Variants in SSBP3 observed in about 807,000 individuals in gnomAD.
SSBP3 encodes single stranded DNA binding protein 3.
Under a neutral mutation model 69.6 loss-of-function variants are expected in SSBP3, and 5 were observed. The ratio of observed to expected loss-of-function variants is 0.07; its 90% CI spans 0.04 to 0.15. SSBP3 has a LOEUF of 0.15. Ranked by LOEUF, SSBP3 falls within the 10% of genes least tolerant of loss-of-function variation. SSBP3 has a pLI of 1.00. For missense variants in SSBP3, 312 were observed against 534.0 expected, an observed-to-expected ratio of 0.58 and a Z score of 4.10; for synonymous variants, 196 against 193.4, an observed-to-expected ratio of 1.01 and a Z score of -0.11.
At chr1:54,266,376 A>G (rs1333782008) in intron 5 of SSBP3, among the ~76,000 whole-genome samples, 2 of 152,232 alleles carry the variant, frequency 1.3e-5, no homozygotes, top group African/African-American at 2.4e-5. Flanking sequence ...TTAGAACACA[A>G]TGTAAATAAA....
At chr1:54,230,626 G>A (rs149333623) in intron 14 of SSBP3, among the ~76,000 whole-genome samples, 41 of 152,188 alleles carry the variant, frequency 2.7e-4, no homozygotes, top group Admixed American at 1.5e-3. Flanking sequence ...AATTTTGAAC[G>A]TTTCCATAAC....
chr1:54,281,827 T>C (rs1420421869), intron 4 of SSBP3, among the ~76,000 whole-genome samples: 2 of 152,104 alleles, frequency 1.3e-5, no homozygotes, highest in Non-Finnish European at 2.9e-5. Context: ...CCGGATGTGG[T>C]GGCTCACAAC....
At chr1:54,369,065 C>T (rs7532265) in intron 4 of SSBP3, among the ~76,000 whole-genome samples, 104,648 of 152,126 alleles carry the variant, frequency 0.69, 36,111 homozygotes, top group South Asian at 0.8. Flanking sequence ...TGCACTTCCA[C>T]GTAAGACTTC....
intron 12 of SSBP3, 44 bp from the exon 13 acceptor site, chr1:54,241,003 C>G (rs758032713): frequency 6.3e-7 from 1 of 1,577,526 alleles, no homozygotes; most frequent in Non-Finnish European, 8.6e-7. Flanking sequence ...ACGGTGGTAA[C>G]GAACATGGGG....
intron 4 of SSBP3, among the ~76,000 whole-genome samples, chr1:54,328,939 C>A (rs1300730279): frequency 6.6e-6 from 1 of 152,190 alleles, no homozygotes; most frequent in African/African-American, 2.4e-5. Context: ...CAGGGGCTGG[C>A]GTGTGCATTC....
At chr1:54,291,488 C>CCA (rs10623192) in intron 4 of SSBP3, among the ~76,000 whole-genome samples, 81,550 of 151,940 alleles carry the variant, frequency 0.54, 22,638 homozygotes, top group East Asian at 0.78. Flanking sequence ...CGCACAGTTG[C>CCA]CACACGGGTT....
At chr1:54,292,416 G>A (rs1645623777) in intron 4 of SSBP3, among the ~76,000 whole-genome samples, 1 of 152,280 alleles carries the variant, frequency 6.6e-6, no homozygotes, top group South Asian at 2.1e-4. Flanking sequence ...AAATGACAGG[G>A]TGGGTGAGCC....
intron 9 of SSBP3, among the ~76,000 whole-genome samples, chr1:54,247,987 G>A (rs965770224): frequency 4.6e-5 from 7 of 152,182 alleles, no homozygotes; most frequent in African/African-American, 1.7e-4. Flanking sequence ...CAAAGGACAG[G>A]GTGATACCTG....
intron 4 of SSBP3, among the ~76,000 whole-genome samples, chr1:54,367,955 A>T (rs1647054979): frequency 6.6e-6 from 1 of 152,202 alleles, no homozygotes; most frequent in Non-Finnish European, 1.5e-5. Flanking sequence ...AATAGTAAGG[A>T]ACTGGTGAAT....
At chr1:54,295,233 C>A (rs1204682851) in intron 4 of SSBP3, among the ~76,000 whole-genome samples, 1 of 152,212 alleles carries the variant, frequency 6.6e-6, no homozygotes, top group African/African-American at 2.4e-5. Flanking sequence ...CTGCCCCACC[C>A]CTGTGCTGAT....
At chr1:54,249,466 C>T (rs979793130) in intron 9 of SSBP3, among the ~76,000 whole-genome samples, 3 of 151,836 alleles carry the variant, frequency 2.0e-5, no homozygotes, top group African/African-American at 2.4e-5. Context: ...AGGCTGAGGT[C>T]GGGGGATCAC....
At chr1:54,380,407 G>A (rs1647532873) in intron 4 of SSBP3, among the ~76,000 whole-genome samples, 1 of 152,216 alleles carries the variant, frequency 6.6e-6, no homozygotes, top group Non-Finnish European at 1.5e-5. Context: ...ATCGGCTTTG[G>A]ATCAGAACCA....
At chr1:54,295,733 G>A (rs1326052079) in intron 4 of SSBP3, among the ~76,000 whole-genome samples, 4 of 152,006 alleles carry the variant, frequency 2.6e-5, no homozygotes, top group Admixed American at 6.5e-5. Flanking sequence ...CCCTTTTCTC[G>A]TACTCTAAGC....
intron 14 of SSBP3, among the ~76,000 whole-genome samples, chr1:54,230,511 TAA>T (rs528661394): frequency 3.7e-4 from 57 of 152,360 alleles, no homozygotes; most frequent in African/African-American, 1.2e-3. Context: ...TTCTGTATAT[TAA>T]GTTTTATTGA....
At chr1:54,400,197 A>G (rs1195832225) in intron 4 of SSBP3, among the ~76,000 whole-genome samples, 2 of 152,214 alleles carry the variant, frequency 1.3e-5, no homozygotes, top group Admixed American at 6.5e-5. Context: ...TTTGTAGAGC[A>G]CCGAACTTGG....
At chr1:54,337,592 C>T (rs1306432838) in intron 4 of SSBP3, among the ~76,000 whole-genome samples, 1 of 147,176 alleles carries the variant, frequency 6.8e-6, no homozygotes, top group Non-Finnish European at 1.5e-5. Flanking sequence ...CCCTCCGTCT[C>T]CCGGGTTCCA....
intron 4 of SSBP3, among the ~76,000 whole-genome samples, chr1:54,401,402 A>C (rs75062603): frequency 0.079 from 11,981 of 151,718 alleles, 574 homozygotes; most frequent in Non-Finnish European, 0.11. Context: ...ACACACACAC[A>C]CCCATAATTT....
chr1:54,408,518 C>T (rs1392901923), upstream of SSBP3, among the ~76,000 whole-genome samples: 1 of 152,074 alleles, frequency 6.6e-6, no homozygotes, highest in Non-Finnish European at 1.5e-5. Flanking sequence ...TCGGTTTGGT[C>T]CTGGCTAAAA....
chr1:54,227,210 C>T (rs752331280), intron 17 of SSBP3, 50 bp from the exon 18 acceptor site: 22 of 1,066,296 alleles, frequency 2.1e-5, no homozygotes, highest in Middle Eastern at 2.1e-4. Context: ...GTGGGGAGGC[C>T]GCTGACACAC....
Sources: gnomAD v4.1 joint callset for allele counts (sites outside exome capture counted in the v4.1 genomes callset) on GRCh38, gnomAD v4.1.1 for gene constraint, MANE v1.5 for transcripts, NCBI Gene and HGNC (gene_info 2026-07-23, HGNC 2026-07-21) for gene names.